Variants in RAPGEF6 observed in about 807,000 individuals in gnomAD.
The protein encoded by RAPGEF6 is PDZ domain containing guanine nucleotide exchange factor (GEF) 2.
RAPGEF6 carries 56 observed loss-of-function variants against 171.4 expected under a neutral mutation model. The observed-to-expected ratio is 0.33, with a 90% CI of 0.26 to 0.41. The LOEUF is 0.41. Among genes scored for constraint, RAPGEF6 ranks in the 10% least tolerant of loss-of-function variants. RAPGEF6 has a pLI of 1.00. For synonymous variants in RAPGEF6, 692 were observed against 650.1 expected, an observed-to-expected ratio of 1.06 and a Z score of -0.98; for missense variants, 1,674 against 1,921.4, an observed-to-expected ratio of 0.87 and a Z score of 2.41.
intron 6 of RAPGEF6, among the ~76,000 whole-genome samples, chr5:131,542,684 C>T (rs2149941401): frequency 6.6e-6 from 1 of 152,226 alleles, no homozygotes; most frequent in African/African-American, 2.4e-5. Context: ...GTGCTTAATC[C>T]TTCCCAAGAA....
At chr5:131,608,199 T>A (rs1311291881) in intron 1 of RAPGEF6, among the ~76,000 whole-genome samples, 1 of 152,142 alleles carries the variant, frequency 6.6e-6, no homozygotes, top group Non-Finnish European at 1.5e-5. Context: ...AGTTAAGTAG[T>A]TGTAAGAAAA....
chr5:131,593,360 C>G (rs1472412420), intron 3 of RAPGEF6, among the ~76,000 whole-genome samples: 2 of 152,178 alleles, frequency 1.3e-5, no homozygotes, highest in African/African-American at 4.8e-5. Context: ...TGAAGTTTTT[C>G]TCACTGCCTA....
At chr5:131,469,953 C>G in intron 17 of RAPGEF6, 1 of 565,598 alleles carries the variant, frequency 1.8e-6, no homozygotes, top group Non-Finnish European at 3.0e-6. Flanking sequence ...AGCTCAAGAC[C>G]AATAAACATT....
chr5:131,583,772 T>C (rs552383709), intron 4 of RAPGEF6, among the ~76,000 whole-genome samples: 2 of 152,342 alleles, frequency 1.3e-5, no homozygotes, highest in African/African-American at 4.8e-5. Flanking sequence ...TGGTTATTCA[T>C]ACTGGCTCAG....
chr5:131,587,061 G>C (rs564735876), intron 4 of RAPGEF6, among the ~76,000 whole-genome samples: 16 of 152,288 alleles, frequency 1.1e-4, no homozygotes, highest in Non-Finnish European at 1.9e-4. Flanking sequence ...AAGCATACTA[G>C]CAGAAATTGG....
chr5:131,471,419 T>A (rs1754728844), intron 17 of RAPGEF6, among the ~76,000 whole-genome samples: 1 of 152,244 alleles, frequency 6.6e-6, no homozygotes, highest in Non-Finnish European at 1.5e-5. Flanking sequence ...ACATGAACTT[T>A]ACTACTGTAC....
Position 131,427,155 on chromosome 5 carries a change from G to A in RAPGEF6, c.*111C>T, listed in dbSNP as rs1443350442. On this transcript the variant is annotated 3_prime_UTR_variant, in exon 28 of 28. Transcript: ENST00000509018. The stretch of plus-strand genomic sequence containing the variant: ...TCGGAGTAGAGGGAATAAAACCTCT[G>A]GACTGGTTGTAGCAATGAGCTGTTC... 1 of 976,946 alleles carries A rather than the reference G, an allele frequency of 1.0e-6. No individual in the cohort carries two copies. The highest frequency in any genetic ancestry group is 1.7e-6 in the Non-Finnish European group (1 of 604,806). 60.5% of individuals were successfully genotyped at this position (976,946 alleles called of 1,614,324 possible).
chr5:131,609,315 G>A (rs1264630351), intron 1 of RAPGEF6, among the ~76,000 whole-genome samples: 4 of 152,146 alleles, frequency 2.6e-5, no homozygotes, highest in Non-Finnish European at 1.5e-5. Flanking sequence ...GTAAATTCCA[G>A]TGCATGGATG....
chr5:131,625,793 G>A (rs1765886407), intron 1 of RAPGEF6, among the ~76,000 whole-genome samples: 1 of 146,452 alleles, frequency 6.8e-6, no homozygotes, highest in East Asian at 2.0e-4. Flanking sequence ...TCCAGCCTGG[G>A]TGACAGAGAC....
chr5:131,481,216 T>G (rs1474369082), intron 15 of RAPGEF6, among the ~76,000 whole-genome samples: 1 of 150,684 alleles, frequency 6.6e-6, no homozygotes, highest in African/African-American at 2.4e-5. Context: ...TGAGCCACCA[T>G]GCCTGGCCCT....
intron 5 of RAPGEF6, among the ~76,000 whole-genome samples, chr5:131,556,159 G>C (rs1318919844): frequency 6.6e-6 from 1 of 152,186 alleles, no homozygotes; most frequent in Non-Finnish European, 1.5e-5. Context: ...CCACTAGTAG[G>C]CTGGGCTCAG....
In RAPGEF6 at chr5:131,548,038, T is replaced by G; in HGVS notation, c.495+9A>C. The G allele has an allele frequency of 1.2e-6, 2 of 1,612,704 alleles. No homozygotes were observed. The highest frequency in any genetic ancestry group is 1.7e-6 in the Non-Finnish European group (2 of 1,179,298). Reference sequence around the variant, plus strand: ...GGAAGATTCATGAAGTGTTCCTAAATATACTCACAGAAAGATAGCTGTTAA... The same window carrying G: ...GGAAGATTCATGAAGTGTTCCTAAAGATACTCACAGAAAGATAGCTGTTAA... On this transcript the variant is annotated intron_variant, in intron 6 of 27. Transcript: ENST00000509018.
At chr5:131,625,857 G>C (rs1169604540) in intron 1 of RAPGEF6, among the ~76,000 whole-genome samples, 1 of 150,394 alleles carries the variant, frequency 6.6e-6, no homozygotes, top group East Asian at 1.9e-4. Flanking sequence ...TATTATCTTA[G>C]TATAATCACT....
Position 131,562,188 on chromosome 5 carries a change from G to A in RAPGEF6, c.282-141C>T, listed in dbSNP as rs1172471446. 23 of 526,926 alleles carry A rather than the reference G, an allele frequency of 4.4e-5. No individual in the cohort carries two copies. The African/African-American group carries it at 4.5e-4, about 10-fold the overall frequency. The allele number at this position is 526,926 out of a possible 1,614,324, so 32.6% of individuals were successfully genotyped here. On this transcript the variant is annotated intron_variant, in intron 4 of 27. Transcript: ENST00000509018. ...GATCCTGTCACAATATTTATGTTAA[G>A]ATTTTCTAAAAAAGAAAGAAAAAAA...
chr5:131,525,662 GAA>G (rs33959486), intron 6 of RAPGEF6, among the ~76,000 whole-genome samples: 5 of 149,870 alleles, frequency 3.3e-5, no homozygotes, highest in East Asian at 2.0e-4. Flanking sequence ...ATTTAGATAT[GAA>G]AAAAAAAAAC....
chr5:131,555,868 G>A lies in RAPGEF6; in HGVS notation c.351+6110C>T, dbSNP rs533451556. Among the ~76,000 whole-genome samples the A allele has an allele frequency of 7.4e-4, 112 of 152,156 alleles. 1 individual carries two copies. The highest frequency in any genetic ancestry group is 1.1e-3 in the Non-Finnish European group (73 of 67,990). ...GAGAAACTAGTTGTTAGGCAATTTCGTCATTGTGTGAACATCATAGAGTGC... is the reference window on the plus strand; with the variant it reads ...GAGAAACTAGTTGTTAGGCAATTTCATCATTGTGTGAACATCATAGAGTGC... On this transcript the variant is annotated intron_variant, in intron 5 of 27. Coordinates refer to ENST00000509018, the MANE Select transcript of RAPGEF6 (RefSeq NM_016340.6).
chr5:131,612,287 G>A (rs931919489), intron 1 of RAPGEF6, among the ~76,000 whole-genome samples: 4 of 136,690 alleles, frequency 2.9e-5, no homozygotes, highest in Admixed American at 8.7e-5. Context: ...GTTTTTCACC[G>A]TTTTCTGTAC....
At chr5:131,593,982 G>A (rs1313321706) in intron 3 of RAPGEF6, among the ~76,000 whole-genome samples, 2 of 152,188 alleles carry the variant, frequency 1.3e-5, no homozygotes, top group African/African-American at 4.8e-5. Flanking sequence ...GCCCGCTGCA[G>A]AAATGTGCAC....
chr5:131,509,079 A>G (rs2149893383), intron 8 of RAPGEF6, among the ~76,000 whole-genome samples: 1 of 152,334 alleles, frequency 6.6e-6, no homozygotes, highest in South Asian at 2.1e-4. Context: ...GCTATTATAA[A>G]AATGCAATCT....
Sources: allele counts gnomAD v4.1 joint callset (sites outside exome capture counted in the v4.1 genomes callset), GRCh38; gene constraint gnomAD v4.1.1; transcripts MANE v1.5; gene names NCBI Gene and HGNC (gene_info 2026-07-23, HGNC 2026-07-21).